SLFN12L: variants seen among roughly 807,000 people sequenced by gnomAD.
SLFN12L encodes schlafen family member 12 like, also known as schlafen family member 12-like.
SLFN12L carries 34 observed loss-of-function variants against 34.8 expected under a neutral mutation model. That is an observed-to-expected ratio of 0.98 (90% CI 0.74 to 1.30). SLFN12L has a LOEUF of 1.30. Among genes scored for constraint, SLFN12L ranks in the 50% most tolerant of loss-of-function variants. The pLI is 0.00. For synonymous variants in SLFN12L, 259 were observed against 247.5 expected (o/e 1.05, Z -0.44); for missense variants, 703 against 696.2 (o/e 1.01, Z -0.11).
Position 35,468,180 on chromosome 17 carries a change from G to T in SLFN12L, c.*6743C>A, listed in dbSNP as rs1345528097. On this transcript the variant is annotated 3_prime_UTR_variant, in exon 5 of 5. Transcript: ENST00000628453. ...CCTGCTTTGGCCTCTCAAAGTGCTG[G>T]GATTACAGGCATGAGCTGCCATGCT... is the stretch of plus-strand genomic sequence containing the variant. Among the ~76,000 whole-genome samples, 2 of 152,110 alleles carry T rather than the reference G, an allele frequency of 1.3e-5. No homozygotes were observed. The highest frequency in any genetic ancestry group is 2.9e-5 in the Non-Finnish European group (2 of 68,020).
At chr17:35,481,129 G>T (rs1395984898) in intron 2 of SLFN12L, among the ~76,000 whole-genome samples, 2 of 152,254 alleles carry the variant, frequency 1.3e-5, no homozygotes, top group Admixed American at 6.5e-5. Flanking sequence ...CTAGAGGGCT[G>T]CCTGGCCTAG....
At chr17:35,480,217 A>C in intron 2 of SLFN12L, 22 bp from the exon 3 acceptor site, 1 of 1,521,014 alleles carries the variant, frequency 6.6e-7, no homozygotes, top group African/African-American at 1.4e-5. Context: ...AGCCGTTAGA[A>C]TAGGAGTTAA....
intron 2 of SLFN12L, chr17:35,515,175 G>A: frequency 3.2e-6 from 2 of 615,728 alleles, no homozygotes. Flanking sequence ...CGATGGCTCC[G>A]TTCCGACCCA....
At chr17:35,498,188 G>GAGCCGGGGCCGCCTGGGA (rs1915161769) in intron 2 of SLFN12L, 1 of 692,912 alleles carries the variant, frequency 1.4e-6, no homozygotes, top group Admixed American at 2.0e-5. Context: ...GCGGCGTGGG[G>GAGCCGGGGCCGCCTGGGA]AGCCGGGGCC....
intron 2 of SLFN12L, chr17:35,498,115 G>A (rs953926674): frequency 5.1e-6 from 3 of 586,216 alleles, no homozygotes; most frequent in African/African-American, 3.7e-5. Context: ...CAGCTGAGCC[G>A]GCGGTCAGAG....
chr17:35,498,942 C>G, intron 2 of SLFN12L: 1 of 723,526 alleles, frequency 1.4e-6, no homozygotes, highest in East Asian at 3.1e-5. Context: ...GGAGGTCTTA[C>G]AGGAGCGCAT....
chr17:35,527,112 G>T (rs1365771346), intron 1 of SLFN12L, among the ~76,000 whole-genome samples: 1 of 152,174 alleles, frequency 6.6e-6, no homozygotes, highest in Non-Finnish European at 1.5e-5. Flanking sequence ...AAATCTAGAA[G>T]AAATGGATAA....
intron 2 of SLFN12L, among the ~76,000 whole-genome samples, chr17:35,507,549 T>C (rs1204293899): frequency 6.6e-6 from 1 of 152,188 alleles, no homozygotes; most frequent in Non-Finnish European, 1.5e-5. Flanking sequence ...ACATAGATGA[T>C]CAGGGCAAGC....
At chr17:35,532,620 C>T (rs143459389) in intron 1 of SLFN12L, among the ~76,000 whole-genome samples, 2 of 152,010 alleles carry the variant, frequency 1.3e-5, no homozygotes, top group African/African-American at 4.8e-5. Context: ...GGCCAGGCAC[C>T]GTGGCTCTCA....
chr17:35,495,187 A>G (rs1156375090), intron 2 of SLFN12L, among the ~76,000 whole-genome samples: 1 of 152,174 alleles, frequency 6.6e-6, no homozygotes, highest in Non-Finnish European at 1.5e-5. Flanking sequence ...GGCATGAGCC[A>G]CCACGCCTGG....
chr17:35,490,504 C>T (rs879156822), intron 2 of SLFN12L: 7 of 924,466 alleles, frequency 7.6e-6, no homozygotes, highest in South Asian at 5.2e-5. Context: ...GAAAGGCATC[C>T]ATCTCATTAA....
chr17:35,480,538 T>C (rs1914289732), intron 2 of SLFN12L: 1 of 194,612 alleles, frequency 5.1e-6, no homozygotes, highest in South Asian at 1.9e-4. Context: ...ATGTTTTTAT[T>C]TTCTCAGTGG....
chr17:35,528,087 A>T (rs2072355768), intron 1 of SLFN12L, among the ~76,000 whole-genome samples: 1 of 152,168 alleles, frequency 6.6e-6, no homozygotes, highest in African/African-American at 2.4e-5. Flanking sequence ...TCATGAGTGA[A>T]CTCCCATTCA....
intron 1 of SLFN12L, among the ~76,000 whole-genome samples, chr17:35,530,687 T>G (rs1038714575): frequency 6.6e-6 from 1 of 152,068 alleles, no homozygotes; most frequent in African/African-American, 2.4e-5. Context: ...TCTTAGTCTT[T>G]TTTATTTCAA....
chr17:35,519,234 A>T (rs1210870754), intron 2 of SLFN12L, among the ~76,000 whole-genome samples: 1 of 152,184 alleles, frequency 6.6e-6, no homozygotes, highest in Non-Finnish European at 1.5e-5. Flanking sequence ...CAAATACTTA[A>T]TGCATGCACG....
intron 2 of SLFN12L, among the ~76,000 whole-genome samples, chr17:35,486,202 C>T (rs536072187): frequency 3.4e-4 from 51 of 152,158 alleles, no homozygotes; most frequent in Admixed American, 1.2e-3. Flanking sequence ...TAGTTCTCCT[C>T]GTAAAGTTCT....
intron 2 of SLFN12L, chr17:35,490,113 A>C: frequency 6.2e-7 from 1 of 1,606,556 alleles, no homozygotes; most frequent in Non-Finnish European, 8.5e-7. Context: ...GGCGCGGAGC[A>C]GACCGCCGGC....
chr17:35,481,274 G>T (rs915657207), intron 2 of SLFN12L, among the ~76,000 whole-genome samples: 1 of 152,178 alleles, frequency 6.6e-6, no homozygotes, highest in African/African-American at 2.4e-5. Context: ...GGGAGTTAGA[G>T]AAGACTCTGC....
intron 2 of SLFN12L, chr17:35,490,592 G>A (rs561520041): frequency 1.2e-6 from 1 of 821,616 alleles, no homozygotes; most frequent in South Asian, 1.4e-5. Flanking sequence ...CAGTGTCAAG[G>A]CCTGTCAAAA....
Sources: gnomAD v4.1 joint callset for allele counts (sites outside exome capture counted in the v4.1 genomes callset) on GRCh38, gnomAD v4.1.1 for gene constraint, MANE v1.5 for transcripts, NCBI Gene and HGNC (gene_info 2026-07-23, HGNC 2026-07-21) for gene names.